STX8: variants seen among roughly 807,000 people sequenced by gnomAD.
The protein encoded by STX8 is syntaxin-8.
STX8 carries 23 observed loss-of-function variants against 37.5 expected under a neutral mutation model. The observed-to-expected ratio is 0.61, with a 90% CI of 0.44 to 0.87. The LOEUF is 0.87. Among genes scored for constraint, STX8 ranks in the 40% least tolerant of loss-of-function variants. STX8 has a pLI of 0.00. For missense variants in STX8, 313 were observed against 284.7 expected (o/e 1.10, Z -0.71); for synonymous variants, 115 against 99.1 (o/e 1.16, Z -0.95).
chr17:9,410,904 C>CA (rs1912958076), intron 6 of STX8, among the ~76,000 whole-genome samples: 1 of 152,134 alleles, frequency 6.6e-6, no homozygotes, highest in South Asian at 2.1e-4. Context: ...CACGTAGTCT[C>CA]AAAAAATCTC....
In STX8 at chr17:9,301,913, T is replaced by C. The variant is rs1908803425; in HGVS notation, c.644-51268A>G. 7.9e-5 allele frequency among the ~76,000 whole-genome samples: 12 copies of C among 152,248 alleles called. No individual in the cohort carries two copies. In the South Asian group the frequency reaches 2.3e-3, roughly 29 times the overall value. Reference sequence around the variant, plus strand: ...ATTTGTAAGTAAATGTTATCTTTGTTGGGTATGGTTATTAGAGTTATTCTA... The same window carrying C: ...ATTTGTAAGTAAATGTTATCTTTGTCGGGTATGGTTATTAGAGTTATTCTA... On this transcript the variant is annotated intron_variant, in intron 7 of 7. Coordinates refer to ENST00000306357, the MANE Select transcript of STX8 (RefSeq NM_004853.3).
intron 7 of STX8, among the ~76,000 whole-genome samples, chr17:9,368,117 G>A (rs757311994): frequency 6.6e-6 from 1 of 152,042 alleles, no homozygotes; most frequent in African/African-American, 2.4e-5. Context: ...TAAAACATTA[G>A]GCAAATAAGT....
chr17:9,441,533 G>T (rs1904653374), intron 6 of STX8, among the ~76,000 whole-genome samples: 2 of 150,922 alleles, frequency 1.3e-5, no homozygotes, highest in Admixed American at 1.3e-4. Flanking sequence ...TATATCCTTT[G>T]ACCTTGTTAA....
intron 6 of STX8, among the ~76,000 whole-genome samples, chr17:9,408,948 T>C (rs1319747126): frequency 1.3e-5 from 2 of 152,096 alleles, no homozygotes; most frequent in African/African-American, 4.8e-5. Context: ...GAATCGTACC[T>C]ACTGGAATGC....
intron 7 of STX8, among the ~76,000 whole-genome samples, chr17:9,308,490 C>T (rs950008932): frequency 2.0e-5 from 3 of 151,960 alleles, no homozygotes; most frequent in South Asian, 2.1e-4. Flanking sequence ...TTTGGGAGGC[C>T]GAGGTGGGTG....
intron 6 of STX8, among the ~76,000 whole-genome samples, chr17:9,416,740 C>T (rs1913212916): frequency 6.6e-6 from 1 of 151,996 alleles, no homozygotes; most frequent in Admixed American, 6.6e-5. Flanking sequence ...GGACTGAAAC[C>T]ACCTTTGAAA....
At chr17:9,441,911 G>A (rs541476349) in intron 6 of STX8, among the ~76,000 whole-genome samples, 37 of 151,884 alleles carry the variant, frequency 2.4e-4, no homozygotes, top group Non-Finnish European at 4.3e-4. Context: ...TCCTGACCTC[G>A]TGATCCGCCC....
At chr17:9,345,914 C>T (rs1225189227) in intron 7 of STX8, among the ~76,000 whole-genome samples, 5 of 118,990 alleles carry the variant, frequency 4.2e-5, no homozygotes, top group Admixed American at 1.2e-4. Flanking sequence ...TGCAGTGGCA[C>T]GGTCTCAGCT....
At chr17:9,484,784 G>C (rs963631401) in intron 6 of STX8, among the ~76,000 whole-genome samples, 4 of 152,152 alleles carry the variant, frequency 2.6e-5, no homozygotes, top group Non-Finnish European at 4.4e-5. Flanking sequence ...GCGAGATCGT[G>C]CCATTACACT....
chr17:9,390,850 A>AT (rs1912194473), intron 6 of STX8, among the ~76,000 whole-genome samples: 1 of 151,704 alleles, frequency 6.6e-6, no homozygotes, highest in African/African-American at 2.4e-5. Flanking sequence ...AAAAAAAAAA[A>AT]AAAAAGAAGG....
intron 7 of STX8, among the ~76,000 whole-genome samples, chr17:9,276,840 G>A (rs141862184): frequency 8.9e-4 from 135 of 151,938 alleles, no homozygotes; most frequent in Non-Finnish European, 1.7e-3. Context: ...GTTTCACTAT[G>A]TTGGGCAGGC....
intron 6 of STX8, among the ~76,000 whole-genome samples, chr17:9,410,033 A>AT (rs1567548236): frequency 1.3e-5 from 2 of 152,230 alleles, no homozygotes; most frequent in Admixed American, 1.3e-4. Context: ...GAGAAATGGA[A>AT]TGCAAGGGCA....
At chr17:9,349,745 C>G (rs1910647286) in intron 7 of STX8, among the ~76,000 whole-genome samples, 1 of 152,114 alleles carries the variant, frequency 6.6e-6, no homozygotes, top group Non-Finnish European at 1.5e-5. Flanking sequence ...CTCTCTCTCT[C>G]TCTCTCAACA....
intron 4 of STX8, among the ~76,000 whole-genome samples, chr17:9,528,519 A>C (rs1282670031): frequency 1.3e-5 from 2 of 152,174 alleles, no homozygotes; most frequent in Non-Finnish European, 2.9e-5. Context: ...CATGTTGTCC[A>C]GGCTGGTCTC....
chr17:9,462,328 G>GA (rs1270029501), intron 6 of STX8, among the ~76,000 whole-genome samples: 1 of 152,150 alleles, frequency 6.6e-6, no homozygotes, highest in Admixed American at 6.5e-5. Context: ...AACTCACTTT[G>GA]TGGCTTTATA....
intron 6 of STX8, among the ~76,000 whole-genome samples, chr17:9,471,788 G>A (rs1905876501): frequency 6.6e-6 from 1 of 152,102 alleles, no homozygotes; most frequent in Non-Finnish European, 1.5e-5. Flanking sequence ...ACTGGGAGAG[G>A]ATGCTTGGAA....
At chr17:9,556,671 G>C (rs1326726907) in intron 3 of STX8, among the ~76,000 whole-genome samples, 1 of 149,662 alleles carries the variant, frequency 6.7e-6, no homozygotes, top group African/African-American at 2.5e-5. Flanking sequence ...CGAACTCCTG[G>C]CCTCAAGTGC....
In STX8 at chr17:9,545,292, T is replaced by C. The variant is rs746838023; in HGVS notation, c.213-10A>G. The C allele has an allele frequency of 5.0e-6, 8 of 1,595,628 alleles. No homozygotes were observed. In the African/African-American group the frequency reaches 1.1e-4, roughly 21 times the overall value. On this transcript the variant is annotated splice_polypyrimidine_tract_variant and intron_variant, in intron 3 of 7. Coordinates refer to ENST00000306357, the MANE Select transcript of STX8 (RefSeq NM_004853.3). Reference sequence around the variant, plus strand: ...CCCTTCAAGCTGTGTTCTGCAGATATCTTGTTAAGGTTCAATGGTGAATAA... The same window carrying C: ...CCCTTCAAGCTGTGTTCTGCAGATACCTTGTTAAGGTTCAATGGTGAATAA...
rs554219761 is a variant in STX8, at chr17:9,399,877, A to G, written c.542-21224T>C. On this transcript the variant is annotated intron_variant, in intron 6 of 7. Transcript: ENST00000306357. ...AGAGACTCTGTCTCAAAAAAAAAAAAAAAAGAAAGAAAGAAAGAAAGATGA... is the reference window on the plus strand; with the variant it reads ...AGAGACTCTGTCTCAAAAAAAAAAAGAAAAGAAAGAAAGAAAGAAAGATGA... 2.1e-4 allele frequency among the ~76,000 whole-genome samples: 32 copies of G among 151,516 alleles called. No homozygotes were observed. The East Asian group carries it at 6.2e-3, about 30-fold the overall frequency.
Sources: allele counts gnomAD v4.1 joint callset (sites outside exome capture counted in the v4.1 genomes callset), GRCh38; gene constraint gnomAD v4.1.1; transcripts MANE v1.5; gene names NCBI Gene and HGNC (gene_info 2026-07-23, HGNC 2026-07-21).